The following PRKAR2B variants were observed in gnomAD, a reference collection of about 807,000 sequenced individuals.
PRKAR2B encodes protein kinase cAMP-dependent type II regulatory subunit beta.
In PRKAR2B, 14 loss-of-function variants were observed where a neutral mutation model predicts 49.9. The ratio of observed to expected loss-of-function variants is 0.28; its 90% confidence interval spans 0.19 to 0.44. The LOEUF (loss-of-function observed/expected upper bound fraction) is 0.44. Among genes scored for constraint, PRKAR2B ranks in the 20% least tolerant of loss-of-function variants. The pLI, the probability that PRKAR2B is intolerant of heterozygous loss-of-function variation, is 1.00. For missense variants in PRKAR2B, 393 were observed against 537.9 expected (o/e 0.73, Z 2.67); for synonymous variants, 196 against 197.7 (o/e 0.99, Z 0.07).
At chr7:107,046,828 G>C (rs1449896027) in intron 1 of PRKAR2B, among the ~76,000 whole-genome samples, 1 of 139,720 alleles carries the variant, frequency 7.2e-6, no homozygotes, top group Non-Finnish European at 1.5e-5. Context: ...GCTTGGTAAA[G>C]ACCATATATA....
At chr7:107,106,552 A>G (rs967151468) in intron 2 of PRKAR2B, among the ~76,000 whole-genome samples, 3 of 152,200 alleles carry the variant, frequency 2.0e-5, no homozygotes, top group Non-Finnish European at 4.4e-5. Context: ...CAAATCACAC[A>G]TAGAAAAAGG....
At chr7:107,086,702 A>T (rs1020769076) in intron 2 of PRKAR2B, among the ~76,000 whole-genome samples, 1 of 152,078 alleles carries the variant, frequency 6.6e-6, no homozygotes, top group Admixed American at 6.6e-5. Context: ...GGCTCAAGTG[A>T]TCTGCCAAGC....
chr7:107,097,246 C>G (rs553085176), intron 2 of PRKAR2B, among the ~76,000 whole-genome samples: 2 of 152,222 alleles, frequency 1.3e-5, no homozygotes, highest in African/African-American at 4.8e-5. Context: ...GAATTGATCC[C>G]TTTACCATTA....
At chr7:107,076,153 GAC>G (rs1302274458) in intron 2 of PRKAR2B, among the ~76,000 whole-genome samples, 2 of 151,992 alleles carry the variant, frequency 1.3e-5, no homozygotes, top group South Asian at 2.1e-4. Flanking sequence ...TCTTTACACA[GAC>G]ACACACTCTT....
At chr7:107,083,432 C>T (rs1037176311) in intron 2 of PRKAR2B, among the ~76,000 whole-genome samples, 1 of 151,842 alleles carries the variant, frequency 6.6e-6, no homozygotes, top group South Asian at 2.1e-4. Context: ...AACTGTGTGT[C>T]GAGTGCTGTT....
rs1794864401 is a variant in PRKAR2B at position 107,097,473 on chromosome 7, CTG to C, written c.344-24475_344-24474del. 6.6e-5 allele frequency among the ~76,000 whole-genome samples: 10 copies of C among 152,268 alleles called. No individual in the cohort carries two copies. In the South Asian group the frequency reaches 2.1e-3, roughly 32 times the overall value. ...TTGACTCTTTATCCACTTTGTCAGT[CTG>C]TGTCTTTTAATTGGAGCATTTAGCC... On this transcript the variant is annotated intron_variant, in intron 2 of 10. Coordinates refer to ENST00000265717, the MANE Select transcript of PRKAR2B (RefSeq NM_002736.3).
At position 107,130,733 on chromosome 7, in the gene PRKAR2B, A is replaced by G. The variant is rs565552983; in HGVS notation, c.480+2438A>G. ...AGACCTGGTTCAGTACCCTGAGTTG[A>G]TATCAAAGCTAGCCTATGGATCCCA... On this transcript the variant is annotated intron_variant, in intron 4 of 10. Transcript: ENST00000265717. 8.0e-4 allele frequency among the ~76,000 whole-genome samples: 122 copies of G among 152,288 alleles called. 1 individual carries two copies. The highest frequency in any genetic ancestry group is 1.7e-3 in the Admixed American group (26 of 15,300).
At chr7:107,090,563 C>A (rs1794717443) in intron 2 of PRKAR2B, among the ~76,000 whole-genome samples, 1 of 152,224 alleles carries the variant, frequency 6.6e-6, no homozygotes, top group African/African-American at 2.4e-5. Context: ...TTAGTTTAGA[C>A]TGGCTGCCCT....
At chr7:107,142,274 C>T (rs1347083586) in intron 5 of PRKAR2B, among the ~76,000 whole-genome samples, 1 of 152,208 alleles carries the variant, frequency 6.6e-6, no homozygotes, top group African/African-American at 2.4e-5. Flanking sequence ...AGAGTTGTCA[C>T]TGATTCTCCC....
At chr7:107,110,643 G>A (rs980746296) in intron 2 of PRKAR2B, among the ~76,000 whole-genome samples, 42 of 151,858 alleles carry the variant, frequency 2.8e-4, no homozygotes, top group African/African-American at 7.7e-4. Context: ...ATTCCTGGAC[G>A]ATACTTCTAG....
chr7:107,144,418 G>A (rs968814789), intron 5 of PRKAR2B, among the ~76,000 whole-genome samples: 1 of 151,776 alleles, frequency 6.6e-6, no homozygotes, highest in Admixed American at 6.6e-5. Flanking sequence ...TGTCTATCAT[G>A]TTTCTGCTGT....
chr7:107,091,870 CAG>C (rs1246265388), intron 2 of PRKAR2B: 2 of 152,102 alleles, frequency 1.3e-5, no homozygotes, highest in Non-Finnish European at 2.9e-5. Context: ...TCTACTGAAA[CAG>C]AAACATAAAT....
At chr7:107,123,803 A>T (rs1795432132) in intron 3 of PRKAR2B, among the ~76,000 whole-genome samples, 1 of 152,182 alleles carries the variant, frequency 6.6e-6, no homozygotes, top group African/African-American at 2.4e-5. Flanking sequence ...CACCTTTTAA[A>T]GTTATATTTA....
intron 2 of PRKAR2B, among the ~76,000 whole-genome samples, chr7:107,101,438 C>T (rs937650483): frequency 2.6e-5 from 4 of 152,156 alleles, no homozygotes; most frequent in Admixed American, 1.3e-4. Context: ...GTAGCCACCT[C>T]GACAGCCTAG....
chr7:107,075,666 C>T (rs911857891), intron 2 of PRKAR2B, among the ~76,000 whole-genome samples: 2 of 152,082 alleles, frequency 1.3e-5, no homozygotes, highest in African/African-American at 4.8e-5. Flanking sequence ...TCCCAAAGTG[C>T]TGTGATTATA....
intron 6 of PRKAR2B, among the ~76,000 whole-genome samples, chr7:107,148,707 T>G (rs975935): frequency 0.85 from 128,577 of 151,748 alleles, 54,677 homozygotes; most frequent in East Asian, 0.93. Flanking sequence ...AGGTCTGCCT[T>G]ATAAATACAG....
intron 1 of PRKAR2B, among the ~76,000 whole-genome samples, chr7:107,055,146 C>T (rs1317597995): frequency 1.3e-5 from 2 of 152,166 alleles, no homozygotes; most frequent in Non-Finnish European, 2.9e-5. Context: ...ATGAACTGAT[C>T]CTTTTTTATG....
At chr7:107,109,167 C>T (rs1262877308) in intron 2 of PRKAR2B, among the ~76,000 whole-genome samples, 3 of 152,182 alleles carry the variant, frequency 2.0e-5, no homozygotes, top group Admixed American at 1.3e-4. Context: ...TGTTGTGGTG[C>T]TGGTGGGAAT....
chr7:107,062,172 G>C (rs1794038999), intron 1 of PRKAR2B, among the ~76,000 whole-genome samples: 1 of 151,960 alleles, frequency 6.6e-6, no homozygotes, highest in South Asian at 2.1e-4. Flanking sequence ...CCCACTCCTA[G>C]GTATTTAAGA....
Sources: gnomAD v4.1 joint callset for allele counts (sites outside exome capture counted in the v4.1 genomes callset) on GRCh38, gnomAD v4.1.1 for gene constraint, MANE v1.5 for transcripts, NCBI Gene and HGNC (gene_info 2026-07-23, HGNC 2026-07-21) for gene names.